FRYL: variants seen among roughly 807,000 people sequenced by gnomAD.
The protein encoded by FRYL is protein furry homolog-like.
FRYL carries 150 observed loss-of-function variants against 351.2 expected under a neutral mutation model. That is an observed-to-expected ratio of 0.43 (90% confidence interval 0.37 to 0.49). FRYL has a LOEUF of 0.49. FRYL is among the 20% of genes least tolerant of loss of function. FRYL has a pLI of 0.00. For synonymous variants in FRYL, 1,153 were observed against 1,257.1 expected (o/e 0.92, Z 1.75); for missense variants, 3,036 against 3,619.3 (o/e 0.84, Z 4.13).
At chr4:48,570,275 T>C (rs1220189116) in intron 27 of FRYL, among the ~76,000 whole-genome samples, 3 of 152,204 alleles carry the variant, frequency 2.0e-5, no homozygotes, top group Non-Finnish European at 2.9e-5. Flanking sequence ...CTGGGCTTAG[T>C]GTGAAGATGC....
chr4:48,528,930 A>G (rs892637828), intron 50 of FRYL, among the ~76,000 whole-genome samples: 8 of 152,202 alleles, frequency 5.3e-5, no homozygotes, highest in African/African-American at 1.9e-4. Flanking sequence ...AAGTGTTTTA[A>G]ATTTGCATTT....
intron 1 of FRYL, among the ~76,000 whole-genome samples, chr4:48,731,024 A>G (rs748761705): frequency 3.3e-5 from 5 of 152,070 alleles, no homozygotes; most frequent in Non-Finnish European, 5.9e-5. Context: ...ATGGAGGAAG[A>G]TCTACCAAGC....
At chr4:48,508,549 C>T (rs1721790252) in intron 59 of FRYL, among the ~76,000 whole-genome samples, 1 of 152,174 alleles carries the variant, frequency 6.6e-6, no homozygotes, top group African/African-American at 2.4e-5. Context: ...CACCCTAAAA[C>T]TTAATGGCTT....
chr4:48,594,399 C>CG (rs1436862278), intron 15 of FRYL, among the ~76,000 whole-genome samples: 10 of 149,884 alleles, frequency 6.7e-5, no homozygotes, highest in Non-Finnish European at 1.0e-4. Context: ...GGAAATCTCC[C>CG]GGGGGGTGGG....
chr4:48,692,089 A>G (rs1240507936), intron 2 of FRYL, among the ~76,000 whole-genome samples: 4 of 152,180 alleles, frequency 2.6e-5, no homozygotes, highest in Non-Finnish European at 4.4e-5. Context: ...GATACTAAAG[A>G]GAAGAAATAA....
At chr4:48,733,609 T>C (rs993941776) in intron 1 of FRYL, among the ~76,000 whole-genome samples, 1 of 152,120 alleles carries the variant, frequency 6.6e-6, no homozygotes, top group African/African-American at 2.4e-5. Flanking sequence ...AAAATAATAA[T>C]AGCAACAATG....
intron 32 of FRYL, 89 bp from the exon 33 acceptor site, chr4:48,561,725 T>C (rs1735540874): frequency 9.6e-7 from 1 of 1,037,786 alleles, no homozygotes; most frequent in Admixed American, 2.4e-5. Context: ...AAAAAAACTC[T>C]TCTCCCCAGC....
chr4:48,651,726 G>A (rs894156463), intron 3 of FRYL, among the ~76,000 whole-genome samples: 1 of 152,182 alleles, frequency 6.6e-6, no homozygotes, highest in East Asian at 1.9e-4. Flanking sequence ...TAGGAAGAAA[G>A]AGCTAACTAC....
At chr4:48,545,190 C>T (rs911950280) in intron 42 of FRYL, among the ~76,000 whole-genome samples, 16 of 152,102 alleles carry the variant, frequency 1.1e-4, no homozygotes, top group African/African-American at 3.6e-4. Flanking sequence ...CTTATGTGTT[C>T]CAGGTCAAAA....
intron 3 of FRYL, 89 bp downstream of exon 3, chr4:48,684,584 G>GGA: frequency 6.6e-6 from 1 of 152,138 alleles, no homozygotes; most frequent in South Asian, 2.1e-4. Context: ...AGAAATTATA[G>GGA]TAGAACCTCA....
chr4:48,512,880 T>A (rs555182305), intron 56 of FRYL, among the ~76,000 whole-genome samples, 192 bp from the exon 57 acceptor site: 2 of 152,250 alleles, frequency 1.3e-5, no homozygotes, highest in African/African-American at 4.8e-5. Context: ...CTAGTTAGCA[T>A]TTTTAGAATT....
intron 24 of FRYL, 109 bp downstream of exon 24, chr4:48,575,921 C>T (rs1739504853): frequency 1.1e-6 from 1 of 878,396 alleles, no homozygotes; most frequent in Non-Finnish European, 1.7e-6. Context: ...AAGTAAGTAA[C>T]ACATTTTCAA....
intron 15 of FRYL, 108 bp from the exon 16 acceptor site, chr4:48,594,124 A>G: frequency 1.7e-6 from 1 of 571,802 alleles, no homozygotes; most frequent in Non-Finnish European, 3.0e-6. Flanking sequence ...GCCCTTAAAA[A>G]GTTCACAGCT....
chr4:48,623,733 T>C (rs1578399318), intron 4 of FRYL, among the ~76,000 whole-genome samples: 1 of 152,146 alleles, frequency 6.6e-6, no homozygotes, highest in Non-Finnish European at 1.5e-5. Flanking sequence ...GCAATATGCC[T>C]ATTCTGTTTA....
chr4:48,534,590 C>A lies in FRYL; in HGVS notation c.6660G>T (p.Lys2220Asn). Reference sequence around the variant, plus strand: ...TCTTTATGATCTCCAGATTAAACTGCTTGGCTGGGGCTGCAGACAGGTCAA... The same window carrying A: ...TCTTTATGATCTCCAGATTAAACTGATTGGCTGGGGCTGCAGACAGGTCAA... ...SHIDLSAAPA[K>N]QFNLEIIKII... The change falls in exon 49 of 64, where the codon AAG becomes AAT. Residue 2220 changes from lysine to asparagine, a missense_variant. Lys to Asn is a moderately conservative substitution (Grantham distance 94). Around this residue, in one of 7 missense-constraint regions of FRYL, gnomAD observed 1,987 missense variants for 2,311.7 expected, o/e 0.86. Transcript: ENST00000358350. 6.2e-7 allele frequency: 1 copy of A among 1,612,898 alleles called. No individual in the cohort carries two copies. Among genetic ancestry groups the A allele is most frequent in the South Asian group, 1.1e-5 (1 of 91,042 alleles).
At chr4:48,610,124 A>C (rs1747746143) in intron 7 of FRYL, among the ~76,000 whole-genome samples, 1 of 152,156 alleles carries the variant, frequency 6.6e-6, no homozygotes, top group Non-Finnish European at 1.5e-5. Context: ...AGCAAACTAA[A>C]AAGACATGTA....
intron 55 of FRYL, among the ~76,000 whole-genome samples, chr4:48,518,280 T>G (rs754182339): frequency 1.3e-5 from 2 of 152,184 alleles, no homozygotes; most frequent in Non-Finnish European, 2.9e-5. Context: ...CATCTCTAAA[T>G]TCCATCAGTT....
chr4:48,659,925 A>G (rs368301813), intron 3 of FRYL, among the ~76,000 whole-genome samples: 7 of 71,506 alleles, frequency 9.8e-5, no homozygotes, highest in Non-Finnish European at 1.5e-4. Context: ...AAGGAGAAGA[A>G]GAAGAAGAAG....
chr4:48,505,514 T>C (rs538330680), intron 60 of FRYL, 33 bp downstream of exon 60: 32 of 1,299,662 alleles, frequency 2.5e-5, no homozygotes, highest in Non-Finnish European at 3.4e-5. Context: ...ATACAGAAAA[T>C]GTATGTTGCA....
Sources: allele counts gnomAD v4.1 joint callset (sites outside exome capture counted in the v4.1 genomes callset), GRCh38; gene constraint gnomAD v4.1.1; regional missense constraint gnomAD v4.1.1; transcripts MANE v1.5; gene names NCBI Gene and HGNC (gene_info 2026-07-23, HGNC 2026-07-21).